E2F5: variants seen among roughly 807,000 people sequenced by gnomAD.
E2F5 encodes the protein transcription factor E2F5.
E2F5 carries 23 observed loss-of-function variants against 39.1 expected under a neutral mutation model. The observed-to-expected ratio is 0.59, with a 90% CI of 0.42 to 0.83. The LOEUF (loss-of-function observed/expected upper bound fraction) is 0.83, where lower values mean the gene tolerates loss of function less well. E2F5 is among the 40% of genes least tolerant of loss of function. E2F5 has a pLI of 0.00. For missense variants in E2F5, 365 were observed against 406.7 expected, an observed-to-expected ratio of 0.90 and a Z score of 0.88; for synonymous variants, 145 against 157.8, an observed-to-expected ratio of 0.92 and a Z score of 0.61.
intron 1 of E2F5, among the ~76,000 whole-genome samples, chr8:85,191,668 ACT>A (rs1294692260): frequency 6.6e-6 from 1 of 152,062 alleles, no homozygotes; most frequent in Admixed American, 6.5e-5. Context: ...GCTTGTCCTG[ACT>A]CTCCTTAATC....
At chr8:85,197,038 A>G (rs948509480) in intron 1 of E2F5, among the ~76,000 whole-genome samples, 6 of 152,148 alleles carry the variant, frequency 3.9e-5, no homozygotes, top group Non-Finnish European at 8.8e-5. Flanking sequence ...GGGCCTTCCC[A>G]TCTTCTTTTC....
At position 85,195,369 on chromosome 8, in the gene E2F5, C is replaced by G. The variant is rs117901897; in HGVS notation, c.235-6778C>G. Among the ~76,000 whole-genome samples the G allele has an allele frequency of 2.8e-4, 43 of 152,110 alleles. No homozygotes were observed. In the East Asian group the frequency reaches 6.2e-3, roughly 22 times the overall value. On this transcript the variant is annotated intron_variant, in intron 1 of 7. Transcript: ENST00000416274. ...CTGCACTCCAGCTTGAACAGCAGAGCAAGACTCTGTCTCAAAAAAAAGAAA... is the reference window on the plus strand; with the variant it reads ...CTGCACTCCAGCTTGAACAGCAGAGGAAGACTCTGTCTCAAAAAAAAGAAA...
At chr8:85,183,005 A>G (rs1211205113) in intron 1 of E2F5, among the ~76,000 whole-genome samples, 3 of 152,184 alleles carry the variant, frequency 2.0e-5, no homozygotes, top group Non-Finnish European at 4.4e-5. Flanking sequence ...TAATCCCAGC[A>G]CTTTGGGAGG....
chr8:85,210,944 CTG>C (rs956838699), intron 6 of E2F5, among the ~76,000 whole-genome samples: 3 of 152,148 alleles, frequency 2.0e-5, no homozygotes, highest in Non-Finnish European at 4.4e-5. Context: ...CAGTGAAGAT[CTG>C]TGACCAAGGA....
intron 1 of E2F5, among the ~76,000 whole-genome samples, chr8:85,179,804 C>A (rs1011573678): frequency 1.8e-4 from 27 of 151,232 alleles, no homozygotes; most frequent in Non-Finnish European, 2.5e-4. Flanking sequence ...GGACTACAGG[C>A]GCCCGCCAGC....
At chr8:85,192,558 G>A (rs1812488532) in intron 1 of E2F5, among the ~76,000 whole-genome samples, 2 of 152,120 alleles carry the variant, frequency 1.3e-5, no homozygotes, top group African/African-American at 4.8e-5. Context: ...GAACGATGAG[G>A]GAGTAGCCAA....
At chr8:85,190,012 A>G (rs1587486432) in intron 1 of E2F5, among the ~76,000 whole-genome samples, 1 of 152,240 alleles carries the variant, frequency 6.6e-6, no homozygotes, top group South Asian at 2.1e-4. Flanking sequence ...TATATATACA[A>G]TTTAAGAATT....
At chr8:85,181,011 G>A (rs927372187) in intron 1 of E2F5, among the ~76,000 whole-genome samples, 1 of 151,882 alleles carries the variant, frequency 6.6e-6, no homozygotes, top group Non-Finnish European at 1.5e-5. Context: ...CCAAGTAGCT[G>A]GCACTACAGG....
chr8:85,183,431 T>C (rs191670223), intron 1 of E2F5, among the ~76,000 whole-genome samples: 3 of 152,330 alleles, frequency 2.0e-5, no homozygotes, highest in Admixed American at 2.0e-4. Context: ...AAGCAGGGCC[T>C]CAAGAAGGTA....
chr8:85,183,947 A>G (rs1812274107), intron 1 of E2F5, among the ~76,000 whole-genome samples: 1 of 152,180 alleles, frequency 6.6e-6, no homozygotes, highest in Non-Finnish European at 1.5e-5. Flanking sequence ...GGAAATTTGG[A>G]TATACAAAGA....
intron 1 of E2F5, among the ~76,000 whole-genome samples, chr8:85,193,036 AACTG>A (rs1812498150): frequency 6.6e-6 from 1 of 152,382 alleles, no homozygotes; most frequent in East Asian, 1.9e-4. Context: ...TTTGTTGGGT[AACTG>A]ACAGATACAT....
chr8:85,207,187 T>A (rs1034419543), intron 4 of E2F5, among the ~76,000 whole-genome samples: 4 of 152,230 alleles, frequency 2.6e-5, no homozygotes, highest in African/African-American at 9.6e-5. Flanking sequence ...AATTTGTTAA[T>A]GAGAATCATA....
Position 85,211,643 on chromosome 8 carries a change from GTTTTTTTTTTTTTTTTTT to G in E2F5, c.884-503_884-486del, listed in dbSNP as rs950695727. Among the ~76,000 whole-genome samples the G allele has an allele frequency of 3.4e-4, 18 of 52,212 alleles. No individual in the cohort carries two copies. In the South Asian group the frequency reaches 9.2e-3, roughly 27 times the overall value. The allele number at this position is 52,212 out of a possible 152,430, so 34.3% of individuals were successfully genotyped here. The stretch of plus-strand genomic sequence containing the variant: ...TAGAATGATGATGAGGTTTGTTGTT[GTTTTTTTTTTTTTTTTTT>G]TTTTTTTTTTGGCAGGGTCTCACTT... On this transcript the variant is annotated intron_variant, in intron 6 of 7. Coordinates refer to ENST00000416274, the MANE Select transcript of E2F5 (RefSeq NM_001951.4).
At chr8:85,185,405 A>C (rs1044984104) in intron 1 of E2F5, among the ~76,000 whole-genome samples, 65 of 152,238 alleles carry the variant, frequency 4.3e-4, no homozygotes, top group African/African-American at 1.5e-3. Context: ...GAAACCATAA[A>C]AATCCTAGAA....
intron 1 of E2F5, among the ~76,000 whole-genome samples, chr8:85,191,127 A>G (rs1403527476): frequency 6.6e-6 from 1 of 151,790 alleles, no homozygotes; most frequent in Non-Finnish European, 1.5e-5. Flanking sequence ...TCAACCATTA[A>G]AAAAAAAGGA....
At chr8:85,205,640 C>T (rs183986127) in intron 3 of E2F5, among the ~76,000 whole-genome samples, 203 of 152,294 alleles carry the variant, frequency 1.3e-3, no homozygotes, top group African/African-American at 4.8e-3. Flanking sequence ...AATGCTTTCC[C>T]CTTGCTCCTG....
chr8:85,209,231 A>G lies in E2F5; in HGVS notation c.705A>G (p.Ser235=), dbSNP rs768567509. The G allele has an allele frequency of 2.8e-5, 45 of 1,613,900 alleles. No individual in the cohort carries two copies. The highest frequency in any genetic ancestry group is 3.3e-4 in the Middle Eastern group (2 of 6,084). ...HVLLINKESS[S]SKPVVFPVPP... The stretch of plus-strand genomic sequence containing the variant: ...TGCTTATAAATAAAGAGTCGAGTTC[A>G]TCTAAGCCCGTGGTTTTTCCTGTTC... Residue 235 remains serine (S), a synonymous_variant, in exon 6 of 8, where the codon TCA becomes TCG. Coordinates refer to ENST00000416274, the MANE Select transcript of E2F5 (RefSeq NM_001951.4).
At chr8:85,209,662 A>G (rs1812874729) in intron 6 of E2F5, among the ~76,000 whole-genome samples, 1 of 152,244 alleles carries the variant, frequency 6.6e-6, no homozygotes, top group African/African-American at 2.4e-5. Flanking sequence ...GCATGAAACA[A>G]AATATTGACT....
chr8:85,191,787 C>T (rs184505723), intron 1 of E2F5, among the ~76,000 whole-genome samples: 9 of 152,250 alleles, frequency 5.9e-5, no homozygotes, highest in African/African-American at 1.4e-4. Flanking sequence ...GCCCATGTTT[C>T]GCTGTAGGCC....
Sources: allele counts gnomAD v4.1 joint callset (sites outside exome capture counted in the v4.1 genomes callset), GRCh38; gene constraint gnomAD v4.1.1; transcripts MANE v1.5; gene names NCBI Gene and HGNC (gene_info 2026-07-23, HGNC 2026-07-21).